The following ATP13A3 variants were observed in gnomAD, a reference collection of about 807,000 sequenced individuals.
The protein encoded by ATP13A3 is ATPase 13A3, also known as polyamine-transporting ATPase 13A3.
ATP13A3 carries 59 observed loss-of-function variants against 158.1 expected under a neutral mutation model. The ratio of observed to expected loss-of-function variants is 0.37; its 90% CI spans 0.30 to 0.46. The LOEUF (loss-of-function observed/expected upper bound fraction) is 0.46. Ranked by LOEUF, ATP13A3 falls within the 20% of genes least tolerant of loss-of-function variation. The pLI is 1.00. For missense variants in ATP13A3, 1,166 were observed against 1,525.2 expected, an observed-to-expected ratio of 0.76 and a Z score of 3.92; for synonymous variants, 491 against 504.3, an observed-to-expected ratio of 0.97 and a Z score of 0.35.
chr3:194,488,390 A>G (rs776770151), upstream of ATP13A3: 1 of 152,212 alleles, frequency 6.6e-6, no homozygotes, highest in Non-Finnish European at 1.5e-5. The surrounding 1 kb of genome is among the most constrained non-coding windows in gnomAD (Gnocchi z 4.1). Context: ...AGTCCTAAAA[A>G]CAAAATTATC....
At chr3:194,466,944 T>A (rs1720026032) in intron 2 of ATP13A3, among the ~76,000 whole-genome samples, 1 of 152,232 alleles carries the variant, frequency 6.6e-6, no homozygotes, top group South Asian at 2.1e-4. Context: ...GGACTCTGCC[T>A]CTGGGGCACT....
chr3:194,416,488 A>G (rs1192836879), intron 31 of ATP13A3, among the ~76,000 whole-genome samples: 2 of 152,088 alleles, frequency 1.3e-5, no homozygotes, highest in Non-Finnish European at 2.9e-5. Context: ...AAAATTTAAA[A>G]CCACTTATGT....
In ATP13A3 at chr3:194,427,856, T is replaced by C. The variant is rs182729350; in HGVS notation, c.2948-604A>G. On this transcript the variant is annotated intron_variant, in intron 28 of 33. Transcript: ENST00000645319. The stretch of plus-strand genomic sequence containing the variant: ...CACAATGTTTGAAGCAATATAAACA[T>C]AGCAGAAACATTTTTCAAAAAGGCT... Among the ~76,000 whole-genome samples, 357 of 152,218 alleles carry C rather than the reference T, an allele frequency of 2.3e-3. 1 individual carries two copies. The highest frequency in any genetic ancestry group is 8.3e-3 in the African/African-American group (344 of 41,556).
chr3:194,406,034 T>C lies in ATP13A3; in HGVS notation c.3656A>G (p.Tyr1219Cys), dbSNP rs751913018. 2.5e-6 allele frequency: 4 copies of C among 1,614,202 alleles called. No individual in the cohort carries two copies. Among genetic ancestry groups the C allele is most frequent in the Admixed American group, 1.7e-5 (1 of 60,022 alleles). ...RKKTPKAKYM[Y>C]LAQELLVDPE... is the part of the protein sequence containing the mutation. ...ATCAACCAAGAGCTCCTGCGCCAGA[T>C]ACATGTACTTTGCCTTTGGTGTCTT... Residue 1219 changes from tyrosine to cysteine, a missense_variant, in exon 34 of 34, where the codon TAT (tyrosine) becomes TGT (cysteine). Coordinates refer to ENST00000645319, the MANE Select transcript of ATP13A3 (RefSeq NM_001367549.1).
intron 9 of ATP13A3, 149 bp from the exon 10 acceptor site, chr3:194,453,927 GT>G (rs1332007974): frequency 1.5e-6 from 1 of 672,156 alleles, no homozygotes; most frequent in Admixed American, 2.9e-5. Flanking sequence ...AGTATTCATT[GT>G]TTTAGTTCAA....
intron 2 of ATP13A3, among the ~76,000 whole-genome samples, chr3:194,471,165 C>T (rs1306441530): frequency 6.6e-6 from 1 of 152,070 alleles, no homozygotes; most frequent in East Asian, 1.9e-4. Context: ...AGACCATTCT[C>T]TTTGCCTGCA....
At chr3:194,454,626 A>G (rs62286677) in intron 8 of ATP13A3, among the ~76,000 whole-genome samples, 63,474 of 151,516 alleles carry the variant, frequency 0.42, 13,413 homozygotes, top group Admixed American at 0.51. Context: ...CAGGAGATCA[A>G]AACATCCTGG....
intron 2 of ATP13A3, among the ~76,000 whole-genome samples, chr3:194,464,250 C>T (rs1018596705): frequency 6.6e-6 from 1 of 152,138 alleles, no homozygotes; most frequent in Admixed American, 6.5e-5. Flanking sequence ...TATGTGAATA[C>T]ATAAACATTG....
chr3:194,439,850 C>T (rs1446358430), intron 16 of ATP13A3, among the ~76,000 whole-genome samples: 1 of 152,208 alleles, frequency 6.6e-6, no homozygotes, highest in African/African-American at 2.4e-5. Flanking sequence ...TACACCAACA[C>T]TGAACACTAA....
At chr3:194,423,940 TAA>T (rs11375155) in intron 30 of ATP13A3, among the ~76,000 whole-genome samples, 2 of 143,638 alleles carry the variant, frequency 1.4e-5, no homozygotes, top group Admixed American at 7.0e-5. Context: ...TTCTTCAAAT[TAA>T]AAAAAAAAAA....
chr3:194,453,280 TAAAAAAAAAAAA>T (rs35230118), intron 10 of ATP13A3, among the ~76,000 whole-genome samples: 11 of 100,950 alleles, frequency 1.1e-4, no homozygotes, highest in African/African-American at 3.7e-4. Flanking sequence ...ACATCGACTT[TAAAAAAAAAAAA>T]AAAAAAAAAA....
intron 30 of ATP13A3, among the ~76,000 whole-genome samples, chr3:194,423,940 T>TAAA (rs11375155): frequency 7.0e-6 from 1 of 143,690 alleles, no homozygotes; most frequent in African/African-American, 2.5e-5. Context: ...TTCTTCAAAT[T>TAAA]AAAAAAAAAA....
At chr3:194,416,601 G>A (rs976169593) in intron 31 of ATP13A3, among the ~76,000 whole-genome samples, 3 of 152,108 alleles carry the variant, frequency 2.0e-5, no homozygotes, top group South Asian at 4.1e-4. Context: ...TTAGGAACAC[G>A]TCCTTTAGAG....
chr3:194,490,172 A>G (rs1464268756), upstream of ATP13A3, among the ~76,000 whole-genome samples: 1 of 152,166 alleles, frequency 6.6e-6, no homozygotes, highest in Non-Finnish European at 1.5e-5. This position sits in a 1 kb window ranked among gnomAD's most constrained non-coding sequence, Gnocchi z 4.4. Flanking sequence ...CTAAGAAAAC[A>G]TACACCATCA....
At chr3:194,462,023 C>G (rs749644045) in intron 3 of ATP13A3, 117 bp downstream of exon 3, 12 of 875,402 alleles carry the variant, frequency 1.4e-5, no homozygotes, top group Non-Finnish European at 2.2e-5. Flanking sequence ...AAGAAAGAAG[C>G]CCATTGAGTT....
chr3:194,473,534 A>G (rs547506170), intron 2 of ATP13A3, among the ~76,000 whole-genome samples: 1 of 152,038 alleles, frequency 6.6e-6, no homozygotes, highest in South Asian at 2.1e-4. Context: ...TGGTCTTAGG[A>G]GTGAATCTGT....
chr3:194,466,573 G>A (rs1034743647), intron 2 of ATP13A3, among the ~76,000 whole-genome samples: 1 of 152,198 alleles, frequency 6.6e-6, no homozygotes, highest in African/African-American at 2.4e-5. Flanking sequence ...CCATGAGTTT[G>A]ATAACTGCTA....
intron 14 of ATP13A3, among the ~76,000 whole-genome samples, 184 bp from the exon 15 acceptor site, chr3:194,444,970 T>C (rs1376638560): frequency 6.6e-6 from 1 of 151,974 alleles, no homozygotes; most frequent in Non-Finnish European, 1.5e-5. Flanking sequence ...CCAGGACATA[T>C]GGTTAAAGTG....
At chr3:194,406,955 G>C (rs1483057512) in intron 33 of ATP13A3, among the ~76,000 whole-genome samples, 1 of 152,090 alleles carries the variant, frequency 6.6e-6, no homozygotes, top group Non-Finnish European at 1.5e-5. Context: ...ATTGCAAAAA[G>C]CTCTGCTGTC....
Sources: gnomAD v4.1 joint callset for allele counts (sites outside exome capture counted in the v4.1 genomes callset) on GRCh38, gnomAD v4.1.1 for gene constraint, Gnocchi (gnomAD v3.1) non-coding constraint, MANE v1.5 for transcripts, NCBI Gene and HGNC (gene_info 2026-07-23, HGNC 2026-07-21) for gene names.